Variants in ADIPOR2 observed in about 807,000 individuals in gnomAD.
The protein encoded by ADIPOR2 is adiponectin receptor protein 2.
A neutral mutation model predicts 40.9 loss-of-function variants in ADIPOR2; 18 were observed. The ratio of observed to expected loss-of-function variants is 0.44; its 90% CI spans 0.30 to 0.65. ADIPOR2 has a LOEUF of 0.65. Among genes scored for constraint, ADIPOR2 ranks in the 30% least tolerant of loss-of-function variants. ADIPOR2 has a pLI of 0.09. For missense variants in ADIPOR2, 283 were observed against 479.2 expected, an observed-to-expected ratio of 0.59 and a Z score of 3.82; for synonymous variants, 165 against 166.4, an observed-to-expected ratio of 0.99 and a Z score of 0.06.
chr12:1,767,008 G>T (rs554140651), intron 2 of ADIPOR2, among the ~76,000 whole-genome samples: 99 of 152,262 alleles, frequency 6.5e-4, no homozygotes, highest in African/African-American at 2.3e-3. Context: ...GGTGGCTCAC[G>T]CCCGTAATCC....
intron 1 of ADIPOR2, among the ~76,000 whole-genome samples, chr12:1,743,034 A>G (rs2094746249): frequency 6.6e-6 from 1 of 152,074 alleles, no homozygotes; most frequent in Non-Finnish European, 1.5e-5. Context: ...TAGCAGTCCT[A>G]GAGGGATTTG....
intron 3 of ADIPOR2, 125 bp downstream of exon 3, chr12:1,773,086 G>C: frequency 8.3e-7 from 1 of 1,200,664 alleles, no homozygotes; most frequent in Non-Finnish European, 1.1e-6. Context: ...GGCAAGATGG[G>C]GACAGAAGTG....
At chr12:1,772,024 A>G (rs865967539) in intron 2 of ADIPOR2, among the ~76,000 whole-genome samples, 17 of 152,352 alleles carry the variant, frequency 1.1e-4, no homozygotes, top group Non-Finnish European at 2.1e-4. Flanking sequence ...TGGCCTCACC[A>G]CTTTGGTCTC....
intron 3 of ADIPOR2, among the ~76,000 whole-genome samples, chr12:1,775,697 A>G (rs1268902944): frequency 6.6e-6 from 1 of 152,204 alleles, no homozygotes; most frequent in Non-Finnish European, 1.5e-5. Flanking sequence ...TAATAGCAAC[A>G]TTCTGTAAGG....
At chr12:1,743,442 G>A (rs2094748041) in intron 1 of ADIPOR2, among the ~76,000 whole-genome samples, 1 of 152,030 alleles carries the variant, frequency 6.6e-6, no homozygotes, top group Non-Finnish European at 1.5e-5. Flanking sequence ...AGGCTGAGAT[G>A]GGAGGATCAC....
chr12:1,752,200 A>G (rs1382956235), intron 1 of ADIPOR2, among the ~76,000 whole-genome samples: 1 of 131,908 alleles, frequency 7.6e-6, no homozygotes, highest in Non-Finnish European at 1.6e-5. Flanking sequence ...AAGTGCTGGG[A>G]TTACAGGCGT....
intron 2 of ADIPOR2, among the ~76,000 whole-genome samples, chr12:1,763,563 A>G (rs2154443853): frequency 6.6e-6 from 1 of 150,940 alleles, no homozygotes; most frequent in East Asian, 1.9e-4. Context: ...TATCAAAAGG[A>G]CAAAGTTAAT....
At chr12:1,725,602 G>A (rs892676203) in intron 1 of ADIPOR2, among the ~76,000 whole-genome samples, 2 of 152,104 alleles carry the variant, frequency 1.3e-5, no homozygotes, top group African/African-American at 4.8e-5. Context: ...AAGTATGGTA[G>A]GGTAATAAAA....
intron 2 of ADIPOR2, among the ~76,000 whole-genome samples, chr12:1,762,537 A>G (rs540501776): frequency 1.3e-5 from 2 of 152,342 alleles, no homozygotes; most frequent in Non-Finnish European, 2.9e-5. Flanking sequence ...GTTTCTTTAA[A>G]GAGATGTACA....
intron 1 of ADIPOR2, among the ~76,000 whole-genome samples, chr12:1,725,918 C>G (rs1053384196): frequency 6.6e-6 from 1 of 152,068 alleles, no homozygotes; most frequent in African/African-American, 2.4e-5. Context: ...AAGAAATCTT[C>G]ATTGAATGTC....
At chr12:1,694,111 A>T (rs370201688) in intron 1 of ADIPOR2, among the ~76,000 whole-genome samples, 4 of 152,218 alleles carry the variant, frequency 2.6e-5, no homozygotes, top group Non-Finnish European at 5.9e-5. Flanking sequence ...CTGTGAGTGT[A>T]TACTATGATT....
chr12:1,703,719 GAATAAATA>G (rs140045963), intron 1 of ADIPOR2, among the ~76,000 whole-genome samples: 15 of 151,408 alleles, frequency 9.9e-5, no homozygotes, highest in African/African-American at 1.9e-4. Flanking sequence ...TCTGTCTCAC[GAATAAATA>G]AATAAATAAA....
chr12:1,749,972 A>G (rs191464453), intron 1 of ADIPOR2, among the ~76,000 whole-genome samples: 1 of 149,720 alleles, frequency 6.7e-6, no homozygotes, highest in Non-Finnish European at 1.5e-5. Context: ...CAGTACCTAG[A>G]CTACACAGGT....
At chr12:1,721,491 C>A (rs946571661) in intron 1 of ADIPOR2, among the ~76,000 whole-genome samples, 16 of 152,194 alleles carry the variant, frequency 1.1e-4, no homozygotes, top group Non-Finnish European at 1.3e-4. Flanking sequence ...GCTGGGATTA[C>A]AGGCGTGAGC....
intron 1 of ADIPOR2, among the ~76,000 whole-genome samples, chr12:1,694,340 A>T (rs1242469279): frequency 6.6e-6 from 1 of 152,250 alleles, no homozygotes; most frequent in African/African-American, 2.4e-5. Context: ...TGGTGTCTGT[A>T]GGGACTGCTT....
At chr12:1,776,485 TA>T (rs1030816546) in intron 3 of ADIPOR2, among the ~76,000 whole-genome samples, 1 of 152,220 alleles carries the variant, frequency 6.6e-6, no homozygotes, top group African/African-American at 2.4e-5. Context: ...AGCTGGAAGA[TA>T]AACCATGTGC....
rs1212897811 is a variant in ADIPOR2, at chr12:1,787,510, G to A, written c.*1438G>A. 3 of 152,242 alleles carry A rather than the reference G, an allele frequency of 2.0e-5. No homozygotes were observed. The highest frequency in any genetic ancestry group is 7.2e-5 in the African/African-American group (3 of 41,456). 9.4% of individuals were successfully genotyped at this position (152,242 alleles called of 1,614,324 possible). A position where few individuals can be genotyped will look rare whatever the true frequency, so the allele number is the denominator to read the frequency against. ...AGTGAGGTACAAGACGATGGCTCAT[G>A]TCACAGGCCTACCTGATACGGTGTC... is the stretch of plus-strand genomic sequence containing the variant. On this transcript the variant is annotated 3_prime_UTR_variant, in exon 8 of 8. Coordinates refer to ENST00000357103, the MANE Select transcript of ADIPOR2 (RefSeq NM_024551.3).
chr12:1,788,371 GT>G lies in ADIPOR2; in HGVS notation c.*2301del, dbSNP rs1862881677. 6.6e-6 allele frequency: 1 copy of G among 152,648 alleles called. No individual in the cohort carries two copies. Among genetic ancestry groups the G allele is most frequent in the African/African-American group, 2.4e-5 (1 of 41,442 alleles). The allele number at this position is 152,648 out of a possible 1,614,324, so 9.5% of individuals were successfully genotyped here. ...AGTGCTCGCTGAGAACTCTCACCAG[GT>G]TGGCGCCTGAATGCCTTACTCTCAG... On this transcript the variant is annotated 3_prime_UTR_variant, in exon 8 of 8. Transcript: ENST00000357103.
At chr12:1,780,786 T>G in intron 5 of ADIPOR2, 103 bp from the exon 6 acceptor site, 1 of 1,375,478 alleles carries the variant, frequency 7.3e-7, no homozygotes, top group Non-Finnish European at 9.7e-7. Flanking sequence ...GTTTGGCTCT[T>G]AGGTGTCGTT....
Sources: allele counts gnomAD v4.1 joint callset (sites outside exome capture counted in the v4.1 genomes callset), GRCh38; gene constraint gnomAD v4.1.1; transcripts MANE v1.5; gene names NCBI Gene and HGNC (gene_info 2026-07-23, HGNC 2026-07-21).